Variants in S100A8 observed in about 807,000 individuals in gnomAD.
S100A8 encodes the protein S100 calcium binding protein A8, also known as protein S100-A8.
A neutral mutation model predicts 4.2 loss-of-function variants in S100A8; 1 was observed. The observed-to-expected ratio is 0.24, with a 90% CI of 0.08 to 1.12. The LOEUF (loss-of-function observed/expected upper bound fraction) is 1.12, where lower values mean the gene tolerates loss of function less well. Ranked by LOEUF, S100A8 falls within the 50% of genes most tolerant of loss-of-function variation. The pLI is 0.53. For missense variants in S100A8, 96 were observed against 111.8 expected (o/e 0.86, Z 0.64); for synonymous variants, 41 against 44.7 (o/e 0.92, Z 0.33).
Position 153,390,238 on chromosome 1 carries a change from C to T in S100A8, c.147G>A (p.Lys49=). 3 of 1,609,744 alleles carry T rather than the reference C, an allele frequency of 1.9e-6. No homozygotes were observed. The highest frequency in any genetic ancestry group is 1.1e-5 in the South Asian group (1 of 90,732). The change falls in exon 3 of 3, where the codon AAG becomes AAA. Residue 49 remains lysine (K), a synonymous_variant. Coordinates refer to ENST00000368733, the MANE Select transcript of S100A8 (RefSeq NM_002964.5). ...ACTCTTTGAACCAGACGTCTGCACC[C>T]TTTTTCTGTCAAGATTGAGGAGGAA... ...ETECPQYIRK[K]GADVWFKELD...
chr1:153,411,432 A>G, the S100A8 span, among the ~76,000 whole-genome samples: 4 of 152,238 alleles, frequency 2.6e-5, no homozygotes, highest in Non-Finnish European at 4.4e-5. Flanking sequence ...AGGGATGCGA[A>G]CAACCTCTTC....
the S100A8 span, among the ~76,000 whole-genome samples, chr1:153,413,230 T>C: frequency 7.2e-5 from 11 of 152,250 alleles, no homozygotes; most frequent in Non-Finnish European, 1.3e-4. Context: ...ATGTATTCTC[T>C]ATGGTCAGGC....
chr1:153,390,124 A>G lies in S100A8; in HGVS notation c.261T>C (p.His87=), dbSNP rs1285365560. The change falls in exon 3 of 3, where the codon CAT becomes CAC. Residue 87 remains histidine (H), a synonymous_variant. Transcript: ENST00000368733. The stretch of plus-strand genomic sequence containing the variant: ...TCAGCTACTCTTTGTGGCTTTCTTC[A>G]TGGCTTTTTTTGTGGGCTGCCACGC... The part of the protein sequence containing the change: ...KMGVAAHKKS[H]EESHKE 1.9e-6 allele frequency: 3 copies of G among 1,613,824 alleles called. No homozygotes were observed. Among genetic ancestry groups the G allele is most frequent in the African/African-American group, 1.3e-5 (1 of 74,958 alleles).
rs1217593580 is a variant in S100A8 at position 153,390,178 on chromosome 1, C to G, written c.207G>C (p.Gln69His). The change falls in exon 3 of 3, where the codon CAG (glutamine) becomes CAC (histidine). Residue 69 changes from glutamine (Q) to histidine (H), a missense_variant. Physicochemically the swap from Gln to His is conservative, Grantham distance 24. Transcript: ENST00000368733. ...DINTDGAVNF[Q>H]EFLILVIKMG... is the part of the protein sequence containing the mutation. ...TCTTTATCACCAGAATGAGGAACTC[C>G]TGGAAGTTAACTGCACCATCAGTGT... 3.1e-6 allele frequency: 5 copies of G among 1,614,136 alleles called. No individual in the cohort carries two copies. The East Asian group carries it at 1.1e-4, about 36-fold the overall frequency.
chr1:153,408,394 G>A, the S100A8 span, among the ~76,000 whole-genome samples: 4 of 152,230 alleles, frequency 2.6e-5, no homozygotes, highest in East Asian at 7.7e-4. Flanking sequence ...CAGATCAAAT[G>A]AATGAAATGA....
At chr1:153,396,938 A>G in the S100A8 span, among the ~76,000 whole-genome samples, 11 of 152,354 alleles carry the variant, frequency 7.2e-5, no homozygotes, top group East Asian at 2.1e-3. Flanking sequence ...GCAAAGAGAC[A>G]GGGGCATAGT....
At chr1:153,397,697 C>T in the S100A8 span, among the ~76,000 whole-genome samples, 5 of 152,130 alleles carry the variant, frequency 3.3e-5, no homozygotes, top group Non-Finnish European at 7.4e-5. Flanking sequence ...CAGCTGTGGA[C>T]AGGTTTGCAG....
chr1:153,396,642 G>A, the S100A8 span: 2 of 152,356 alleles, frequency 1.3e-5, no homozygotes, highest in African/African-American at 4.8e-5. Context: ...GCTGGTGGTA[G>A]TGCAGGTGGT....
the S100A8 span, among the ~76,000 whole-genome samples, chr1:153,408,034 G>A: frequency 6.6e-6 from 1 of 152,212 alleles, no homozygotes; most frequent in Admixed American, 6.5e-5. Flanking sequence ...GAGCAGAAAA[G>A]CTGAAAACTC....
chr1:153,409,542 C>T, the S100A8 span, among the ~76,000 whole-genome samples: 7 of 152,150 alleles, frequency 4.6e-5, no homozygotes, highest in Non-Finnish European at 7.3e-5. Flanking sequence ...GACTTTAATA[C>T]CCCACTGTCA....
chr1:153,402,132 T>C, the S100A8 span, among the ~76,000 whole-genome samples: 21,765 of 152,186 alleles, frequency 0.14, 1,762 homozygotes, highest in African/African-American at 0.23. Context: ...CCTAGGCTGC[T>C]TCTGTAGGAC....
the S100A8 span, among the ~76,000 whole-genome samples, chr1:153,397,097 G>A: frequency 6.6e-6 from 1 of 152,238 alleles, no homozygotes; most frequent in East Asian, 1.9e-4. Context: ...TCCACTGGCA[G>A]TAGCTGTTTA....
At chr1:153,420,750 C>G in the S100A8 span, 2 of 152,262 alleles carry the variant, frequency 1.3e-5, no homozygotes, top group Non-Finnish European at 2.9e-5. Context: ...CATTCTCATT[C>G]CACCTGTTCT....
the S100A8 span, chr1:153,420,855 C>G: frequency 1.3e-5 from 2 of 152,472 alleles, no homozygotes; most frequent in Admixed American, 6.5e-5. Flanking sequence ...ATCATCCACC[C>G]CAGAATTGCT....
the S100A8 span, among the ~76,000 whole-genome samples, chr1:153,397,372 G>A: frequency 6.6e-6 from 1 of 152,222 alleles, no homozygotes; most frequent in African/African-American, 2.4e-5. Flanking sequence ...TGGGTGCTGG[G>A]CCCACATAGA....
chr1:153,414,688 G>T, the S100A8 span, among the ~76,000 whole-genome samples: 3 of 152,172 alleles, frequency 2.0e-5, no homozygotes, highest in Non-Finnish European at 2.9e-5. Flanking sequence ...ACAGCCACTT[G>T]GGAAGACAGT....
At chr1:153,408,116 A>G in the S100A8 span, among the ~76,000 whole-genome samples, 65 of 152,342 alleles carry the variant, frequency 4.3e-4, no homozygotes, top group African/African-American at 1.5e-3. Flanking sequence ...AGTTGGATGG[A>G]GAATGACTTT....
the S100A8 span, chr1:153,419,060 G>C: frequency 1.4e-6 from 2 of 1,428,886 alleles, no homozygotes; most frequent in Non-Finnish European, 1.9e-6. Flanking sequence ...GTACTTGTCT[G>C]TATCTCTGCC....
the S100A8 span, among the ~76,000 whole-genome samples, chr1:153,408,232 A>C: frequency 6.6e-6 from 1 of 152,234 alleles, no homozygotes; most frequent in Non-Finnish European, 1.5e-5. Flanking sequence ...CTTTGAAAAA[A>C]AGATTAAATG....
Sources: allele counts gnomAD v4.1 joint callset (sites outside exome capture counted in the v4.1 genomes callset), GRCh38; gene constraint gnomAD v4.1.1; transcripts MANE v1.5; gene names NCBI Gene and HGNC (gene_info 2026-07-23, HGNC 2026-07-21).